Variants in PARP2 observed in about 807,000 individuals in gnomAD.
PARP2 encodes the protein poly [ADP-ribose] polymerase 2.
In PARP2, 57 loss-of-function variants were observed where a neutral mutation model predicts 77.8. That is an observed-to-expected ratio of 0.73 (90% confidence interval 0.59 to 0.91). The LOEUF is 0.91. Among genes scored for constraint, PARP2 ranks in the 40% least tolerant of loss-of-function variants. PARP2 has a pLI of 0.00. For missense variants in PARP2, 651 were observed against 689.0 expected, an observed-to-expected ratio of 0.94 and a Z score of 0.62; for synonymous variants, 226 against 242.6, an observed-to-expected ratio of 0.93 and a Z score of 0.64.
Position 20,355,793 on chromosome 14 carries a change from CAG to C in PARP2, c.946_947del (p.Glu316LysfsTer12). 6.2e-7 allele frequency: 1 copy of C among 1,613,736 alleles called. No homozygotes were observed. ...CTAATCCGGACACAGAAGGAACTGTCAGAAAAAATACAATTACTAGAGGTGAG... is the reference window on the plus strand; with the variant it reads ...CTAATCCGGACACAGAAGGAACTGTCAAAAAATACAATTACTAGAGGTGAG... On this transcript the variant is annotated frameshift_variant, in exon 10 of 16. Transcript: ENST00000429687. LOFTEE classifies it high-confidence loss of function.
intron 9 of PARP2, 158 bp downstream of exon 9, chr14:20,355,105 C>A: frequency 1.5e-6 from 1 of 657,292 alleles, no homozygotes; most frequent in Non-Finnish European, 2.5e-6. Context: ...CCTATTTAAT[C>A]AGCTTACAAA....
chr14:20,352,173 T>G (rs2138936134), intron 6 of PARP2, 72 bp from the exon 7 acceptor site: 1 of 793,120 alleles, frequency 1.3e-6, no homozygotes, highest in East Asian at 2.5e-5. Context: ...CTTTGGAGAT[T>G]TTCTGTCTTG....
chr14:20,355,560 C>T (rs1884113963), intron 9 of PARP2, 192 bp from the exon 10 acceptor site: 5 of 430,518 alleles, frequency 1.2e-5, no homozygotes, highest in Non-Finnish European at 1.6e-5. Flanking sequence ...CATCTTATAC[C>T]GAGTATATAT....
chr14:20,347,489 C>T (rs1394136360), intron 4 of PARP2, among the ~76,000 whole-genome samples: 1 of 120,016 alleles, frequency 8.3e-6, no homozygotes, highest in African/African-American at 3.3e-5. Flanking sequence ...AATCTCGGCT[C>T]ACTGCAATCT....
Position 20,356,316 on chromosome 14 carries a change from C to G in PARP2, c.1111C>G (p.Gln371Glu), listed in dbSNP as rs1373714047. ...GTCTTATTTTTCACAGGTGATTTCC[C>G]AGTACCTACAATCTACCCATGCTCC... Reference protein sequence around the residue: ...HESYEFKVISQYLQSTHAPTH... With the variant: ...HESYEFKVISEYLQSTHAPTH... Residue 371 changes from glutamine to glutamate, a missense_variant, in exon 12 of 16, where the codon CAG (glutamine) becomes GAG (glutamate). By Grantham distance (29) the Gln-to-Glu change is conservative. Coordinates refer to ENST00000429687, the MANE Select transcript of PARP2 (RefSeq NM_001042618.2). 6.2e-7 allele frequency: 1 copy of G among 1,614,058 alleles called. No homozygotes were observed. The highest frequency in any genetic ancestry group is 1.3e-5 in the African/African-American group (1 of 75,046).
intron 10 of PARP2, 39 bp from the exon 11 acceptor site, chr14:20,355,858 A>G: frequency 6.2e-7 from 1 of 1,613,428 alleles, no homozygotes; most frequent in Non-Finnish European, 8.5e-7. Context: ...CCCTTATACC[A>G]GTGTCCTCCC....
intron 5 of PARP2, 58 bp from the exon 6 acceptor site, chr14:20,350,989 T>C: frequency 7.6e-7 from 1 of 1,309,154 alleles, no homozygotes; most frequent in Non-Finnish European, 1.1e-6. Flanking sequence ...AGAGAGATCT[T>C]GGAGAGCTGG....
intron 2 of PARP2, 124 bp from the exon 3 acceptor site, chr14:20,345,270 G>A: frequency 9.6e-7 from 1 of 1,041,368 alleles, no homozygotes; most frequent in Non-Finnish European, 1.4e-6. Flanking sequence ...TATTTGAGAT[G>A]GATTGGGGTC....
chr14:20,352,235 G>A lies in PARP2; in HGVS notation c.498-10G>A, dbSNP rs757794907. 1.3e-6 allele frequency: 2 copies of A among 1,501,330 alleles called. No individual in the cohort carries two copies. The highest frequency in any genetic ancestry group is 3.3e-5 in the Admixed American group (2 of 59,790). The allele number at this position is 1,501,330 out of a possible 1,614,324, so 93.0% of individuals were successfully genotyped here. A position where few individuals can be genotyped will look rare whatever the true frequency, so the allele number is the denominator to read the frequency against. On this transcript the variant is annotated splice_polypyrimidine_tract_variant and intron_variant, in intron 6 of 15. Coordinates refer to ENST00000429687, the MANE Select transcript of PARP2 (RefSeq NM_001042618.2). The stretch of plus-strand genomic sequence containing the variant: ...ATTTGTAAAGTTTTCTTACACCTTG[G>A]ACTCTACAGATTCCTTGACAAAACG...
intron 13 of PARP2, 169 bp from the exon 14 acceptor site, chr14:20,356,882 G>A: frequency 1.5e-6 from 1 of 674,174 alleles, no homozygotes; most frequent in South Asian, 1.8e-5. Context: ...TCCCTCAGAA[G>A]GCGGAAATTC....
intron 1 of PARP2, among the ~76,000 whole-genome samples, chr14:20,344,721 G>T (rs767398570): frequency 1.3e-5 from 2 of 152,178 alleles, no homozygotes; most frequent in African/African-American, 4.8e-5. Flanking sequence ...GCTGAGGCAC[G>T]AGAATCACTT....
intron 1 of PARP2, 128 bp from the exon 2 acceptor site, chr14:20,344,804 C>A: frequency 2.9e-6 from 2 of 685,120 alleles, no homozygotes; most frequent in Non-Finnish European, 5.0e-6. Flanking sequence ...GAGAGTGAGA[C>A]TCCACCTCAA....
intron 6 of PARP2, 45 bp from the exon 7 acceptor site, chr14:20,352,199 AG>A (rs1566421284): frequency 2.0e-6 from 2 of 1,017,302 alleles, no homozygotes; most frequent in South Asian, 2.6e-5. Context: ...CCATCTTCAT[AG>A]TAGACCTTTA....
chr14:20,348,241 A>C (rs141197061), intron 4 of PARP2, among the ~76,000 whole-genome samples: 129 of 152,262 alleles, frequency 8.5e-4, no homozygotes, highest in African/African-American at 2.8e-3. Flanking sequence ...TATAATATGG[A>C]GAATAGCCTT....
At chr14:20,353,609 T>A (rs1364007350) in intron 7 of PARP2, among the ~76,000 whole-genome samples, 1 of 152,196 alleles carries the variant, frequency 6.6e-6, no homozygotes. Flanking sequence ...ACAATTAACA[T>A]TTAAATTTGT....
chr14:20,347,674 G>C (rs1028438392), intron 4 of PARP2, among the ~76,000 whole-genome samples: 6 of 151,260 alleles, frequency 4.0e-5, no homozygotes, highest in Non-Finnish European at 5.9e-5. Context: ...CCCTCCCAAA[G>C]TGTTGGTATT....
chr14:20,346,784 A>T, intron 3 of PARP2, 79 bp from the exon 4 acceptor site: 1 of 906,296 alleles, frequency 1.1e-6, no homozygotes, highest in South Asian at 1.3e-5. Flanking sequence ...CTTGAGCCAT[A>T]AGAAAATTTA....
intron 11 of PARP2, 91 bp downstream of exon 11, chr14:20,356,122 A>G (rs1435104686): frequency 4.0e-6 from 6 of 1,496,068 alleles, no homozygotes; most frequent in Non-Finnish European, 3.6e-6. Context: ...GTCAAGAGCA[A>G]ATTGTCAATT....
At chr14:20,346,319 A>ATGTT (rs1854165349) in intron 3 of PARP2, among the ~76,000 whole-genome samples, 3 of 129,360 alleles carry the variant, frequency 2.3e-5, no homozygotes, top group African/African-American at 9.4e-5. Context: ...CTCAGTTAGA[A>ATGTT]TCTTTTTTTT....
Sources: allele counts gnomAD v4.1 joint callset (sites outside exome capture counted in the v4.1 genomes callset), GRCh38; gene constraint gnomAD v4.1.1; transcripts MANE v1.5; gene names NCBI Gene and HGNC (gene_info 2026-07-23, HGNC 2026-07-21).